DNAH8: variants seen among roughly 807,000 people sequenced by gnomAD.
DNAH8 encodes axonemal beta dynein heavy chain 8.
DNAH8 carries 382 observed loss-of-function variants against 562.1 expected under a neutral mutation model. The observed-to-expected ratio is 0.68, with a 90% confidence interval of 0.63 to 0.74. The LOEUF (loss-of-function observed/expected upper bound fraction) is 0.74, where lower values mean the gene tolerates loss of function less well. Ranked by LOEUF, DNAH8 falls within the 30% of genes least tolerant of loss-of-function variation. The pLI is 0.00. For synonymous variants in DNAH8, 1,881 were observed against 1,919.4 expected (o/e 0.98, Z 0.52); for missense variants, 5,203 against 5,620.4 (o/e 0.93, Z 2.37).
chr6:38,731,202 A>G (rs1425454638), intron 4 of DNAH8, among the ~76,000 whole-genome samples: 1 of 152,234 alleles, frequency 6.6e-6, no homozygotes, highest in East Asian at 1.9e-4. Context: ...TTAAAAATTA[A>G]AACAATAGCT....
At chr6:38,883,143 A>C in intron 54 of DNAH8, 91 bp downstream of exon 54, 1 of 1,362,534 alleles carries the variant, frequency 7.3e-7, no homozygotes, top group Non-Finnish European at 9.9e-7. Flanking sequence ...CTTTTATAGT[A>C]CACATTTTAC....
chr6:38,746,030 A>C (rs1391381815), intron 8 of DNAH8, among the ~76,000 whole-genome samples: 1 of 152,208 alleles, frequency 6.6e-6, no homozygotes, highest in Non-Finnish European at 1.5e-5. Flanking sequence ...CTACATGAAT[A>C]GCTTTCATAG....
At chr6:38,937,902 T>C in intron 77 of DNAH8, 72 bp from the exon 78 acceptor site, 1 of 1,535,436 alleles carries the variant, frequency 6.5e-7, no homozygotes, top group South Asian at 1.3e-5. Flanking sequence ...TTTTTTTTTT[T>C]TCAGAAGAGA....
Position 38,779,980 on chromosome 6 carries a change from A to G in DNAH8, c.2054A>G (p.Asn685Ser). 1 of 1,614,000 alleles carries G rather than the reference A, an allele frequency of 6.2e-7. No homozygotes were observed. Among genetic ancestry groups the G allele is most frequent in the Admixed American group, 1.7e-5 (1 of 60,006 alleles). ...LQLLQRFQKL[N>S]IPCLGLEINH... is the part of the protein sequence containing the mutation. Reference sequence around the variant, plus strand: ...ATTACTTTTAGGTTTCAGAAGCTGAACATTCCCTGTCTGGGATTAGAAATA... The same window carrying G: ...ATTACTTTTAGGTTTCAGAAGCTGAGCATTCCCTGTCTGGGATTAGAAATA... Residue 685 changes from asparagine (N) to serine (S), a missense_variant, in exon 15 of 93, where the codon AAC (asparagine) becomes AGC (serine). This residue lies in a region of DNAH8 where 2,176 missense variants were observed against 2,365.1 expected (regional missense o/e 0.92). Coordinates refer to ENST00000327475, the MANE Select transcript of DNAH8 (RefSeq NM_001206927.2).
At chr6:38,900,186 CAT>C (rs1201370691) in intron 62 of DNAH8, among the ~76,000 whole-genome samples, 1 of 152,160 alleles carries the variant, frequency 6.6e-6, no homozygotes, top group Non-Finnish European at 1.5e-5. Flanking sequence ...AGGGTAAGCC[CAT>C]TGATTAGTTT....
intron 83 of DNAH8, 194 bp downstream of exon 83, chr6:38,971,859 A>T (rs1051283359): frequency 4.7e-6 from 2 of 427,932 alleles, no homozygotes; most frequent in African/African-American, 4.0e-5. Context: ...TCTATAGTAT[A>T]TGCTCCATTT....
intron 79 of DNAH8, 115 bp downstream of exon 79, chr6:38,939,103 GT>G (rs1227723098): frequency 3.9e-6 from 3 of 770,746 alleles, no homozygotes; most frequent in Non-Finnish European, 5.9e-6. Context: ...TCTAACGAAA[GT>G]TTAATTAAGT....
At position 38,925,286 on chromosome 6, in the gene DNAH8, A is replaced by ATTATTTTATTTTATTTTATT. The variant is rs72056166; in HGVS notation, c.10963-726_10963-707dup. 5.4e-5 allele frequency among the ~76,000 whole-genome samples: 7 copies of ATTATTTTATTTTATTTTATT among 130,006 alleles called. No individual in the cohort carries two copies. The East Asian group carries it at 9.1e-4, about 17-fold the overall frequency. 85.3% of individuals were successfully genotyped at this position (130,006 alleles called of 152,430 possible). A position where few individuals can be genotyped will look rare whatever the true frequency, so the allele number is the denominator to read the frequency against. On this transcript the variant is annotated intron_variant, in intron 73 of 92. Coordinates refer to ENST00000327475, the MANE Select transcript of DNAH8 (RefSeq NM_001206927.2). Reference sequence around the variant, plus strand: ...GGCTGGTTGGCTCATTGGATCTCTGATTATTTTATTTTATTTTATTTTATT... The same window carrying ATTATTTTATTTTATTTTATT: ...GGCTGGTTGGCTCATTGGATCTCTGATTATTTTATTTTATTTTATTTTATTTTATTTTATTTTATTTTATT...
At chr6:38,806,615 G>A (rs1317289617) in intron 23 of DNAH8, among the ~76,000 whole-genome samples, 1 of 151,952 alleles carries the variant, frequency 6.6e-6, no homozygotes, top group African/African-American at 2.4e-5. Context: ...CCTCTGCCTC[G>A]CAAATTCATC....
At chr6:38,723,299 C>T (rs1762932579) in intron 2 of DNAH8, 38 bp from the exon 3 acceptor site, 1 of 1,579,474 alleles carries the variant, frequency 6.3e-7, no homozygotes, top group Non-Finnish European at 8.6e-7. Context: ...ATTTTTTCTT[C>T]AGAATTGCAA....
intron 41 of DNAH8, among the ~76,000 whole-genome samples, chr6:38,855,264 AGTGGAATACATAG>A (rs951132670): frequency 2.6e-5 from 4 of 152,260 alleles, no homozygotes; most frequent in African/African-American, 9.6e-5. Flanking sequence ...AAAATATAAA[AGTGGAATACATAG>A]GTGATGGGTT....
At chr6:39,027,572 A>G (rs964586597) in intron 92 of DNAH8, among the ~76,000 whole-genome samples, 4 of 152,230 alleles carry the variant, frequency 2.6e-5, no homozygotes, top group African/African-American at 9.7e-5. Context: ...TCACGCCTGT[A>G]ATCCCAGCAC....
At chr6:38,736,131 A>G (rs533487059) in intron 5 of DNAH8, among the ~76,000 whole-genome samples, 1 of 150,270 alleles carries the variant, frequency 6.7e-6, no homozygotes, top group African/African-American at 2.4e-5. Flanking sequence ...GAGTGAGAGA[A>G]AAAAAAAAAG....
At position 39,030,712 on chromosome 6, in the gene DNAH8, A is replaced by G. The variant is rs1767618012; in HGVS notation, c.*320A>G. On this transcript the variant is annotated 3_prime_UTR_variant, in exon 93 of 93. Transcript: ENST00000327475. ...AAATTTGAAAGTGTTGATATGTGAC[A>G]TCCTAAAAAGAGCCTAGTAGTTGTA... Among the ~76,000 whole-genome samples the G allele has an allele frequency of 1.3e-5, 2 of 152,230 alleles. No individual in the cohort carries two copies.
rs2150694635 is a variant in DNAH8, at chr6:38,973,672, A to T, written c.12537A>T (p.Val4179=). The change falls in exon 84 of 93, where the codon GTA becomes GTT. Residue 4179 remains valine, a synonymous_variant. Coordinates refer to ENST00000327475, the MANE Select transcript of DNAH8 (RefSeq NM_001206927.2). ...ATTTTTGGATACAGGGTGGTTGGGT[A>T]TTACTACAAAATTGCCACCTTGGCC... ...IQMSMQQGGW[V]LLQNCHLGLE... 6.3e-7 allele frequency: 1 copy of T among 1,599,954 alleles called. No homozygotes were observed. The highest frequency in any genetic ancestry group is 1.8e-5 in the Admixed American group (1 of 56,670).
chr6:38,814,351 C>T (rs914595217), intron 25 of DNAH8, among the ~76,000 whole-genome samples: 20 of 152,254 alleles, frequency 1.3e-4, no homozygotes, highest in South Asian at 4.2e-4. Flanking sequence ...GAGGCCAAGG[C>T]GGGTGGAGCA....
At chr6:38,793,836 G>C (rs1037873142) in intron 21 of DNAH8, among the ~76,000 whole-genome samples, 4 of 152,010 alleles carry the variant, frequency 2.6e-5, no homozygotes, top group Admixed American at 2.6e-4. Context: ...TGAAAAAAAT[G>C]GGGGAGTCTA....
At chr6:38,937,651 G>A (rs1194625595) in intron 77 of DNAH8, among the ~76,000 whole-genome samples, 2 of 152,108 alleles carry the variant, frequency 1.3e-5, no homozygotes, top group Non-Finnish European at 2.9e-5. Context: ...CTATCACATG[G>A]GGAACAGCAA....
chr6:38,769,819 A>G (rs1331728932), intron 11 of DNAH8, among the ~76,000 whole-genome samples: 8 of 152,226 alleles, frequency 5.3e-5, no homozygotes. Context: ...CTGGGTATTG[A>G]TGGTTTCAAA....
Sources: allele counts gnomAD v4.1 joint callset (sites outside exome capture counted in the v4.1 genomes callset), GRCh38; gene constraint gnomAD v4.1.1; regional missense constraint gnomAD v4.1.1; transcripts MANE v1.5; gene names NCBI Gene and HGNC (gene_info 2026-07-23, HGNC 2026-07-21).